The following STOX1 variants were observed in gnomAD, a reference collection of about 807,000 sequenced individuals.
STOX1 encodes the protein storkhead box 1.
STOX1 carries 57 observed loss-of-function variants against 74.8 expected under a neutral mutation model. The ratio of observed to expected loss-of-function variants is 0.76; its 90% CI spans 0.62 to 0.95. The LOEUF (loss-of-function observed/expected upper bound fraction) is 0.95, where lower values mean the gene tolerates loss of function less well. STOX1 is among the 40% of genes least tolerant of loss of function. The probability of loss-of-function intolerance (pLI) is 0.00; values close to 1 mark genes in which losing one functional copy is unlikely to be tolerated. For synonymous variants in STOX1, 375 were observed against 401.3 expected (o/e 0.93, Z 0.78); for missense variants, 1,010 against 1,117.0 (o/e 0.90, Z 1.37).
intron 1 of STOX1, among the ~76,000 whole-genome samples, chr10:68,873,130 C>G (rs1374930881): frequency 6.6e-6 from 1 of 152,134 alleles, no homozygotes; most frequent in Non-Finnish European, 1.5e-5. Context: ...CAAGCCTTGC[C>G]TGCCAAAATG....
chr10:68,888,084 C>T (rs1478780108), intron 3 of STOX1, among the ~76,000 whole-genome samples: 3 of 151,776 alleles, frequency 2.0e-5, no homozygotes, highest in Non-Finnish European at 2.9e-5. Flanking sequence ...CGCGCACACA[C>T]GCACACACAC....
At chr10:68,884,152 C>T in intron 2 of STOX1, 108 bp from the exon 3 acceptor site, 1 of 972,394 alleles carries the variant, frequency 1.0e-6, no homozygotes, top group East Asian at 2.5e-5. Flanking sequence ...ATGTTACAAT[C>T]AGCTCTGGGT....
chr10:68,836,949 C>G (rs534467233), intron 1 of STOX1, among the ~76,000 whole-genome samples: 1 of 152,224 alleles, frequency 6.6e-6, no homozygotes, highest in Non-Finnish European at 1.5e-5. Flanking sequence ...ATACCATTCC[C>G]CCTTCACCAA....
chr10:68,876,815 C>G (rs1463503646), intron 1 of STOX1, among the ~76,000 whole-genome samples: 1 of 152,128 alleles, frequency 6.6e-6, no homozygotes, highest in Admixed American at 6.5e-5. Context: ...AGGACAGACC[C>G]AAAGGTCTGG....
At chr10:68,887,612 T>C (rs1292443233) in intron 3 of STOX1, among the ~76,000 whole-genome samples, 3 of 148,606 alleles carry the variant, frequency 2.0e-5, no homozygotes, top group Non-Finnish European at 4.5e-5. Flanking sequence ...TTTTTTTTTT[T>C]TGAGGCAGAG....
intron 3 of STOX1, among the ~76,000 whole-genome samples, chr10:68,888,122 T>G (rs1230523272): frequency 1.3e-5 from 2 of 151,860 alleles, no homozygotes; most frequent in Non-Finnish European, 1.5e-5. Flanking sequence ...TGTTTTGAGA[T>G]GGAGTTTTGC....
chr10:68,889,395 A>T (rs1241532458), intron 3 of STOX1, among the ~76,000 whole-genome samples: 1 of 151,960 alleles, frequency 6.6e-6, no homozygotes, highest in Non-Finnish European at 1.5e-5. Context: ...ACTGGATTCA[A>T]CCATCCTCTT....
At position 68,885,659 on chromosome 10, in the gene STOX1, G is replaced by A; in HGVS notation, c.1863G>A (p.Leu621=). The A allele has an allele frequency of 6.2e-7, 1 of 1,614,130 alleles. No homozygotes were observed. The highest frequency in any genetic ancestry group is 8.5e-7 in the Non-Finnish European group (1 of 1,180,016). ...AAAATGAGGTAATTCCTGAAGTCTT[G>A]AGGAAAAGTCATTCCCACTTTGACA... The part of the protein sequence containing the change: ...GGENEVIPEV[L]RKSHSHFDKL... Residue 621 remains leucine (L), a synonymous_variant, in exon 3 of 4, where the codon TTG becomes TTA. Transcript: ENST00000298596.
intron 3 of STOX1, among the ~76,000 whole-genome samples, chr10:68,889,749 A>G (rs1456190924): frequency 6.6e-6 from 1 of 151,682 alleles, no homozygotes; most frequent in African/African-American, 2.4e-5. Flanking sequence ...TTTTTATTAG[A>G]GACAGGGTTT....
At chr10:68,857,617 A>G (rs893847456) in intron 1 of STOX1, among the ~76,000 whole-genome samples, 1 of 152,100 alleles carries the variant, frequency 6.6e-6, no homozygotes, top group African/African-American at 2.4e-5. Flanking sequence ...TTTATCCTAA[A>G]CCCAATTCTT....
At chr10:68,869,494 G>A (rs940487199) in intron 1 of STOX1, among the ~76,000 whole-genome samples, 1 of 152,186 alleles carries the variant, frequency 6.6e-6, no homozygotes, top group Non-Finnish European at 1.5e-5. Flanking sequence ...GAGTCACTGA[G>A]CATTTTAGTT....
chr10:68,889,723 C>G (rs916758060), intron 3 of STOX1, among the ~76,000 whole-genome samples: 17 of 152,038 alleles, frequency 1.1e-4, no homozygotes, highest in African/African-American at 4.1e-4. Flanking sequence ...ACCACCAGGC[C>G]CAGCTAATTT....
chr10:68,875,016 TG>T, intron 1 of STOX1, among the ~76,000 whole-genome samples: 1 of 152,310 alleles, frequency 6.6e-6, no homozygotes, highest in South Asian at 2.1e-4. Flanking sequence ...AGGCTTTCTT[TG>T]TGTCTGGCTG....
chr10:68,846,882 A>G (rs1242655140), intron 1 of STOX1: 3 of 152,210 alleles, frequency 2.0e-5, no homozygotes, highest in Non-Finnish European at 1.5e-5. Flanking sequence ...CAAGGGTGAC[A>G]TACAAATTAA....
chr10:68,886,606 T>A lies in STOX1; in HGVS notation c.2810T>A (p.Ile937Lys). The A allele has an allele frequency of 6.2e-7, 1 of 1,614,046 alleles. No individual in the cohort carries two copies. The highest frequency in any genetic ancestry group is 8.5e-7 in the Non-Finnish European group (1 of 1,179,950). ...CACAGCATGGCAGGAGATAGTGGAA[T>A]AGATTCTCCACGGTAGGTCCATACA... The part of the protein sequence containing the change: ...ENHSMAGDSG[I>K]DSPRTQSLGS... Residue 937 changes from isoleucine to lysine, a missense_variant, in exon 3 of 4, where the codon ATA becomes AAA. Ile to Lys is a moderately radical substitution (Grantham distance 102). Coordinates refer to ENST00000298596, the MANE Select transcript of STOX1 (RefSeq NM_152709.5).
intron 1 of STOX1, among the ~76,000 whole-genome samples, chr10:68,856,375 A>G (rs945523280): frequency 6.6e-6 from 1 of 151,584 alleles, no homozygotes; most frequent in African/African-American, 2.4e-5. Context: ...AGCATGGCGT[A>G]TGAGAGCTCT....
chr10:68,870,429 A>G (rs548837597), intron 1 of STOX1, among the ~76,000 whole-genome samples: 1 of 152,334 alleles, frequency 6.6e-6, no homozygotes, highest in South Asian at 2.1e-4. Context: ...TTATATAGCT[A>G]TTCCTTGCCC....
chr10:68,853,475 T>C (rs1840041043), intron 1 of STOX1, among the ~76,000 whole-genome samples: 1 of 152,076 alleles, frequency 6.6e-6, no homozygotes, highest in Non-Finnish European at 1.5e-5. Flanking sequence ...TCAAGACATA[T>C]AGCTGGGTGT....
At chr10:68,865,993 T>G (rs1203358168) in intron 1 of STOX1, among the ~76,000 whole-genome samples, 1 of 152,024 alleles carries the variant, frequency 6.6e-6, no homozygotes, top group Non-Finnish European at 1.5e-5. Flanking sequence ...TGGTAAGAAC[T>G]TTGTCTTTCT....
Sources: allele counts gnomAD v4.1 joint callset (sites outside exome capture counted in the v4.1 genomes callset), GRCh38; gene constraint gnomAD v4.1.1; transcripts MANE v1.5; gene names NCBI Gene and HGNC (gene_info 2026-07-23, HGNC 2026-07-21).